The following PDGFA variants were observed in gnomAD, a reference collection of about 807,000 sequenced individuals.
PDGFA encodes platelet-derived growth factor subunit A.
A neutral mutation model predicts 25.6 loss-of-function variants in PDGFA; 9 were observed. That is an observed-to-expected ratio of 0.35 (90% CI 0.21 to 0.61). The LOEUF (loss-of-function observed/expected upper bound fraction) is 0.61. Ranked by LOEUF, PDGFA falls within the 20% of genes least tolerant of loss-of-function variation. The pLI, the probability that PDGFA is intolerant of heterozygous loss-of-function variation, is 0.75. For synonymous variants in PDGFA, 133 were observed against 111.8 expected, an observed-to-expected ratio of 1.19 and a Z score of -1.20; for missense variants, 242 against 272.8, an observed-to-expected ratio of 0.89 and a Z score of 0.79.
intron 4 of PDGFA, among the ~76,000 whole-genome samples, chr7:504,084 T>C (rs1782462013): frequency 6.6e-6 from 1 of 151,346 alleles, no homozygotes; most frequent in African/African-American, 2.4e-5. Context: ...CACCCAGGAG[T>C]TGAGGAATAA....
chr7:506,938 A>T (rs974511261), intron 4 of PDGFA, among the ~76,000 whole-genome samples: 1 of 152,192 alleles, frequency 6.6e-6, no homozygotes, highest in African/African-American at 2.4e-5. Flanking sequence ...TGCCATGCCC[A>T]TCCTGGGTGG....
intron 4 of PDGFA, among the ~76,000 whole-genome samples, chr7:502,293 G>A (rs1782376015): frequency 1.4e-5 from 1 of 71,904 alleles, no homozygotes; most frequent in Non-Finnish European, 3.6e-5. Context: ...CTAGCCCAAG[G>A]TTGCTGTGGA....
At chr7:518,994 G>A (rs1204677167) in exon 1 of PDGFA, 1 of 1,537,212 alleles carries the variant, frequency 6.5e-7, no homozygotes, top group African/African-American at 1.4e-5. Context: ...GCAAGCCAAG[G>A]TCCTCATCGC....
chr7:518,683 C>A (rs1254299093), intron 1 of PDGFA, among the ~76,000 whole-genome samples: 1 of 152,106 alleles, frequency 6.6e-6, no homozygotes, highest in African/African-American at 2.4e-5. Flanking sequence ...GGACACTGCG[C>A]CCCCCGAAGT....
At chr7:506,884 C>A (rs1038449208) in intron 4 of PDGFA, among the ~76,000 whole-genome samples, 28 of 152,184 alleles carry the variant, frequency 1.8e-4, no homozygotes, top group African/African-American at 6.8e-4. Flanking sequence ...AACAAGAGAC[C>A]TCTGAATGTT....
In PDGFA at chr7:517,927, G is replaced by A. The variant is rs1430801640; in HGVS notation, c.64-437C>T. 6.6e-6 allele frequency among the ~76,000 whole-genome samples: 1 copy of A among 152,136 alleles called. No homozygotes were observed. Among genetic ancestry groups the A allele is most frequent in the Non-Finnish European group, 1.5e-5 (1 of 68,034 alleles). On this transcript the variant is annotated intron_variant, in intron 1 of 5. Transcript: ENST00000402802. This position sits in a 1 kb window ranked among gnomAD's most constrained non-coding sequence, Gnocchi z 7.4. ...ACGGCAGCCCTAACACTTTAATCCA[G>A]GCAGGGCTTAAATTTCACGCCCCGG...
chr7:502,810 AT>A (rs1378788585), intron 4 of PDGFA, among the ~76,000 whole-genome samples: 1 of 92,124 alleles, frequency 1.1e-5, no homozygotes, highest in African/African-American at 3.6e-5. Flanking sequence ...ACACACACAC[AT>A]AATGCACATA....
Position 517,380 on chromosome 7 carries a change from G to T in PDGFA, c.160+14C>A. 1 of 1,310,922 alleles carries T rather than the reference G, an allele frequency of 7.6e-7. No homozygotes were observed. The highest frequency in any genetic ancestry group is 1.0e-6 in the Non-Finnish European group (1 of 997,340). The allele number at this position is 1,310,922 out of a possible 1,614,324, so 81.2% of individuals were successfully genotyped here. On this transcript the variant is annotated intron_variant, in intron 2 of 5. Transcript: ENST00000402802. The surrounding 1 kb of genome is among the most constrained non-coding windows in gnomAD (Gnocchi z 7.4). Reference sequence around the variant, plus strand: ...GCGCCCTCCCCGCGCGCGGAGGGAAGGGGCGCGATTTACCTACGGAGTCTA... The same window carrying T: ...GCGCCCTCCCCGCGCGCGGAGGGAATGGGCGCGATTTACCTACGGAGTCTA...
At chr7:509,129 C>T (rs1408778410) in intron 4 of PDGFA, among the ~76,000 whole-genome samples, 2 of 152,200 alleles carry the variant, frequency 1.3e-5, no homozygotes, top group African/African-American at 4.8e-5. Flanking sequence ...AGAAGACCTT[C>T]AGCAAGTTCA....
intron 3 of PDGFA, among the ~76,000 whole-genome samples, chr7:511,303 GAA>G (rs1491549116): frequency 0.011 from 1,078 of 94,292 alleles, 40 homozygotes; most frequent in African/African-American, 0.051. Flanking sequence ...GGGGAGAGGG[GAA>G]CTTAGTCCAG....
At chr7:512,268 C>T (rs944355046) in intron 3 of PDGFA, 83 bp downstream of exon 3, 6 of 1,299,278 alleles carry the variant, frequency 4.6e-6, no homozygotes, top group African/African-American at 3.0e-5. Context: ...CTCCTCCCCA[C>T]CCGGCCCTGC....
chr7:518,923 C>A lies in PDGFA; in HGVS notation c.63+16G>T. ...GAGGAGCCGGCGCAGGGACGGGGCG[C>A]GGGGGCGGCACCAACCTCGGCCAGA... On this transcript the variant is annotated intron_variant, in intron 1 of 5. Transcript: ENST00000402802. 1 of 1,504,996 alleles carries A rather than the reference C, an allele frequency of 6.6e-7. No individual in the cohort carries two copies. Among genetic ancestry groups the A allele is most frequent in the Admixed American group, 2.1e-5 (1 of 48,022 alleles). The allele number at this position is 1,504,996 out of a possible 1,614,324, so 93.2% of individuals were successfully genotyped here. A position where few individuals can be genotyped will look rare whatever the true frequency, so the allele number is the denominator to read the frequency against.
intron 4 of PDGFA, among the ~76,000 whole-genome samples, chr7:502,396 C>G (rs1782380392): frequency 6.6e-6 from 1 of 152,174 alleles, no homozygotes; most frequent in Admixed American, 6.5e-5. Context: ...GACCCATACC[C>G]AGGGTCCCCT....
chr7:504,108 T>A (rs568106244), intron 4 of PDGFA, among the ~76,000 whole-genome samples: 2 of 152,236 alleles, frequency 1.3e-5, no homozygotes, highest in East Asian at 3.9e-4. Flanking sequence ...AGGCTGCACA[T>A]GCAGAAGGCC....
At chr7:498,850 G>A (rs1306596820) in intron 5 of PDGFA, among the ~76,000 whole-genome samples, 1 of 152,196 alleles carries the variant, frequency 6.6e-6, no homozygotes, top group Non-Finnish European at 1.5e-5. Context: ...GGGAAACTGA[G>A]GCCAAGAATG....
intron 3 of PDGFA, 68 bp downstream of exon 3, chr7:512,283 C>A: frequency 7.6e-6 from 11 of 1,438,866 alleles, no homozygotes; most frequent in Non-Finnish European, 1.0e-5. Flanking sequence ...CCCTGCCCTG[C>A]CCATCGCGGC....
chr7:497,929 C>G (rs1453260771), exon 6 of PDGFA: 1 of 28,668 alleles, frequency 3.5e-5, no homozygotes, highest in East Asian at 1.0e-3. Flanking sequence ...TTAATAATCA[C>G]TTTATGGTGT....
chr7:508,881 T>C (rs1782682095), intron 4 of PDGFA, among the ~76,000 whole-genome samples: 1 of 152,172 alleles, frequency 6.6e-6, no homozygotes, highest in Non-Finnish European at 1.5e-5. Context: ...GGGAGACTGA[T>C]GCCCCAACAG....
chr7:498,656 A>G, intron 5 of PDGFA, 82 bp from the exon 6 acceptor site: 1 of 1,303,942 alleles, frequency 7.7e-7, no homozygotes, highest in South Asian at 1.2e-5. Context: ...ATAGGAGGAA[A>G]ACAGGGTGAA....
Sources: gnomAD v4.1 joint callset for allele counts (sites outside exome capture counted in the v4.1 genomes callset) on GRCh38, gnomAD v4.1.1 for gene constraint, Gnocchi (gnomAD v3.1) non-coding constraint, MANE v1.5 for transcripts, NCBI Gene and HGNC (gene_info 2026-07-23, HGNC 2026-07-21) for gene names.